Variants in KCND2 observed in about 807,000 individuals in gnomAD.
The protein encoded by KCND2 is potassium voltage-gated channel subfamily D member 2.
A neutral mutation model predicts 54.4 loss-of-function variants in KCND2; 16 were observed. The ratio of observed to expected loss-of-function variants is 0.29; its 90% CI spans 0.20 to 0.45. KCND2 has a LOEUF of 0.45. KCND2 is among the 20% of genes least tolerant of loss of function. The pLI is 1.00. For synonymous variants in KCND2, 317 were observed against 310.7 expected (o/e 1.02, Z -0.21); for missense variants, 486 against 824.2 (o/e 0.59, Z 5.02).
At chr7:120,519,303 C>T (rs1010525175) in intron 1 of KCND2, among the ~76,000 whole-genome samples, 4 of 152,032 alleles carry the variant, frequency 2.6e-5, no homozygotes, top group African/African-American at 4.8e-5. Flanking sequence ...GCTGAGATCA[C>T]ACCACTGCAC....
At chr7:120,694,138 A>T (rs79708781) in intron 1 of KCND2, among the ~76,000 whole-genome samples, 2,054 of 152,302 alleles carry the variant, frequency 0.013, 37 homozygotes, top group African/African-American at 0.039. Context: ...AGCCATGTTG[A>T]TGCCTCCTTT....
intron 2 of KCND2, among the ~76,000 whole-genome samples, chr7:120,734,524 T>C (rs1792847458): frequency 6.6e-6 from 1 of 152,144 alleles, no homozygotes; most frequent in African/African-American, 2.4e-5. Context: ...CAGGTTCATA[T>C]ACACAAACAC....
intron 1 of KCND2, among the ~76,000 whole-genome samples, chr7:120,523,663 G>A (rs1791729589): frequency 6.9e-6 from 1 of 144,742 alleles, no homozygotes; most frequent in African/African-American, 2.5e-5. Context: ...ATTATATATT[G>A]TCCACATATA....
intron 1 of KCND2, among the ~76,000 whole-genome samples, chr7:120,511,493 G>C (rs952601457): frequency 6.6e-6 from 1 of 152,034 alleles, no homozygotes; most frequent in African/African-American, 2.4e-5. Flanking sequence ...AATCCAAAAA[G>C]AACTGTACAA....
chr7:120,642,378 A>G (rs1333826231), intron 1 of KCND2, among the ~76,000 whole-genome samples: 11 of 146,702 alleles, frequency 7.5e-5, no homozygotes, highest in Non-Finnish European at 1.5e-4. Flanking sequence ...GGCCAACATG[A>G]TGAAACTCCT....
At chr7:120,487,344 A>G (rs1584798273) in intron 1 of KCND2, among the ~76,000 whole-genome samples, 2 of 152,324 alleles carry the variant, frequency 1.3e-5, no homozygotes, top group East Asian at 1.9e-4. Flanking sequence ...AAAACGAACA[A>G]CAATTTAAAA....
intron 1 of KCND2, among the ~76,000 whole-genome samples, chr7:120,674,743 C>G (rs1021498542): frequency 6.6e-6 from 1 of 152,226 alleles, no homozygotes; most frequent in Admixed American, 6.5e-5. Context: ...CATCTAATGT[C>G]ATGGTCAAAC....
At chr7:120,550,912 G>T (rs2116395462) in intron 1 of KCND2, among the ~76,000 whole-genome samples, 1 of 152,274 alleles carries the variant, frequency 6.6e-6, no homozygotes, top group South Asian at 2.1e-4. Flanking sequence ...GATCAAATTG[G>T]AGTGTTAGGA....
At position 120,570,146 on chromosome 7, in the gene KCND2, G is replaced by A. The variant is rs576539212; in HGVS notation, c.1116-162757G>A. ...TTTTGGAATATCTGCACAATAGAAA[G>A]AAATTAGATGTTTGCAAATAGACAG... On this transcript the variant is annotated intron_variant, in intron 1 of 5. Transcript: ENST00000331113. 5.3e-5 allele frequency among the ~76,000 whole-genome samples: 8 copies of A among 152,196 alleles called. No homozygotes were observed. The East Asian group carries it at 1.5e-3, about 29-fold the overall frequency.
intron 1 of KCND2, among the ~76,000 whole-genome samples, chr7:120,483,161 A>G (rs776149893): frequency 6.6e-6 from 1 of 152,314 alleles, no homozygotes; most frequent in East Asian, 1.9e-4. Context: ...ACTGAACTTC[A>G]AAAACACTCA....
chr7:120,505,551 T>G (rs1039288067), intron 1 of KCND2, among the ~76,000 whole-genome samples: 1 of 151,860 alleles, frequency 6.6e-6, no homozygotes, highest in African/African-American at 2.4e-5. Context: ...TTGTGTTTGC[T>G]CAAATCAGAT....
chr7:120,360,250 G>T (rs535336372), intron 1 of KCND2, among the ~76,000 whole-genome samples: 7 of 152,032 alleles, frequency 4.6e-5, no homozygotes, highest in Admixed American at 3.9e-4. Context: ...TATAGGTTTT[G>T]CAGGGAAAGG....
In KCND2 at chr7:120,273,946, G is replaced by A. The variant is rs1799128229; in HGVS notation, c.-687G>A. 1 of 153,184 alleles carries A rather than the reference G, an allele frequency of 6.5e-6. No homozygotes were observed. The highest frequency in any genetic ancestry group is 2.4e-5 in the African/African-American group (1 of 41,422). The allele number at this position is 153,184 out of a possible 1,614,324, so 9.5% of individuals were successfully genotyped here. Reference sequence around the variant, plus strand: ...AGACACAGAGGGTGTTTGTAGACGTGGGGGAGGAGAATCTCTATTAACGCC... The same window carrying A: ...AGACACAGAGGGTGTTTGTAGACGTAGGGGAGGAGAATCTCTATTAACGCC... On this transcript the variant is annotated 5_prime_UTR_variant, in exon 1 of 6. Transcript: ENST00000331113.
At chr7:120,484,705 A>G (rs996852794) in intron 1 of KCND2, among the ~76,000 whole-genome samples, 12 of 99,420 alleles carry the variant, frequency 1.2e-4, no homozygotes, top group Non-Finnish European at 1.5e-4. Flanking sequence ...TTACACGCAC[A>G]CACACACACA....
At position 120,503,798 on chromosome 7, in the gene KCND2, G is replaced by A. The variant is rs191679329; in HGVS notation, c.1115+228051G>A. Among the ~76,000 whole-genome samples the A allele has an allele frequency of 1.1e-4, 16 of 151,996 alleles. No individual in the cohort carries two copies. The East Asian group carries it at 2.9e-3, about 28-fold the overall frequency. On this transcript the variant is annotated intron_variant, in intron 1 of 5. Coordinates refer to ENST00000331113, the MANE Select transcript of KCND2 (RefSeq NM_012281.3). The stretch of plus-strand genomic sequence containing the variant: ...AAGCCTGTGGCTTATTCAATTTGGG[G>A]GGAGTCACTTTACGCAATAGAATAC...
chr7:120,289,285 A>G (rs941905388), intron 1 of KCND2, among the ~76,000 whole-genome samples: 3 of 152,010 alleles, frequency 2.0e-5, no homozygotes, highest in Admixed American at 1.3e-4. Context: ...CCACATTTCA[A>G]TTCTCATTGG....
Position 120,498,922 on chromosome 7 carries a change from T to C in KCND2, c.1115+223175T>C, listed in dbSNP as rs143947701. On this transcript the variant is annotated intron_variant, in intron 1 of 5. Transcript: ENST00000331113. ...AATTTTGTATTTTGTTTAGGGAAAA[T>C]GAATTGCACTAGATACTATTTTCAG... 3.6e-3 allele frequency among the ~76,000 whole-genome samples: 550 copies of C among 152,276 alleles called. 6 individuals are homozygous for C. Among genetic ancestry groups the C allele is most frequent in the Middle Eastern group, 0.024 (7 of 294 alleles).
chr7:120,562,308 A>G (rs1289826184), intron 1 of KCND2, among the ~76,000 whole-genome samples: 1 of 152,194 alleles, frequency 6.6e-6, no homozygotes, highest in Non-Finnish European at 1.5e-5. Flanking sequence ...ATAATAAAAC[A>G]TGAGAACGTT....
chr7:120,530,137 A>G (rs1391376421), intron 1 of KCND2, among the ~76,000 whole-genome samples: 13 of 152,176 alleles, frequency 8.5e-5, no homozygotes, highest in Admixed American at 2.6e-4. Flanking sequence ...CAGATTGACT[A>G]TTGTCAATAA....
Sources: gnomAD v4.1 joint callset for allele counts (sites outside exome capture counted in the v4.1 genomes callset) on GRCh38, gnomAD v4.1.1 for gene constraint, MANE v1.5 for transcripts, NCBI Gene and HGNC (gene_info 2026-07-23, HGNC 2026-07-21) for gene names.